Variants in MAN2B2 observed in about 807,000 individuals in gnomAD.
The protein encoded by MAN2B2 is mannosidase alpha class 2B member 2.
In MAN2B2, 106 loss-of-function variants were observed where a neutral mutation model predicts 117.1. The ratio of observed to expected loss-of-function variants is 0.90; its 90% confidence interval spans 0.77 to 1.06. MAN2B2 has a LOEUF of 1.06. MAN2B2 is among the 50% of genes least tolerant of loss of function. The pLI is 0.00. For missense variants in MAN2B2, 1,326 were observed against 1,381.4 expected (o/e 0.96, Z 0.64); for synonymous variants, 544 against 595.1 (o/e 0.91, Z 1.25).
chr4:6,622,337 G>A lies in MAN2B2; in HGVS notation c.*1052G>A, dbSNP rs147772485. On this transcript the variant is annotated 3_prime_UTR_variant, in exon 19 of 19. Coordinates refer to ENST00000285599, the MANE Select transcript of MAN2B2 (RefSeq NM_015274.3). ...TTTCTTTGGAAGATGATGAAATTGT[G>A]GAATGATGGTTGCACAACTTTGTGA... 14 of 152,274 alleles carry A rather than the reference G, an allele frequency of 9.2e-5. No individual in the cohort carries two copies. Among genetic ancestry groups the A allele is most frequent in the African/African-American group, 3.1e-4 (13 of 41,560 alleles). The allele number at this position is 152,274 out of a possible 1,614,324, so 9.4% of individuals were successfully genotyped here. A position where few individuals can be genotyped will look rare whatever the true frequency, so the allele number is the denominator to read the frequency against.
At chr4:6,590,077 A>T (rs1169801192) in intron 5 of MAN2B2, among the ~76,000 whole-genome samples, 3 of 144,656 alleles carry the variant, frequency 2.1e-5, no homozygotes, top group Admixed American at 1.4e-4. Context: ...TATTTAAAAT[A>T]AAAAAAAAAA....
rs1577282542 is a variant in MAN2B2, at chr4:6,595,883, G to A, written c.1057+1151G>A. On this transcript the variant is annotated intron_variant, in intron 7 of 18. Transcript: ENST00000285599. ...AGCCTCTGGGTCTGCATGGTGACCA[G>A]TGGGGCTGCATAGTCCCCGGCTCCT... 2.0e-5 allele frequency among the ~76,000 whole-genome samples: 3 copies of A among 152,254 alleles called. No individual in the cohort carries two copies. The South Asian group carries it at 6.2e-4, about 31-fold the overall frequency.
chr4:6,620,581 G>C (rs4472212), intron 18 of MAN2B2: 158,411 of 165,090 alleles, frequency 0.96, 76,332 homozygotes, highest in Non-Finnish European at 1. Context: ...CTGGCCCCAG[G>C]GGTTTCTTCT....
intron 13 of MAN2B2, 50 bp from the exon 14 acceptor site, chr4:6,610,830 T>G: frequency 6.5e-7 from 1 of 1,539,110 alleles, no homozygotes; most frequent in Non-Finnish European, 9.0e-7. Flanking sequence ...ATGCCTGACC[T>G]ACCTTGCCCT....
In MAN2B2 at chr4:6,579,416, TCACCAC is replaced by T. The variant is rs1331166913; in HGVS notation, c.391+924_391+929del. On this transcript the variant is annotated intron_variant, in intron 3 of 18. Transcript: ENST00000285599. ...ACCATCACCACCACCACCATCACCA[TCACCAC>T]CACCATCACCACCACCCTTCACCAT... Among the ~76,000 whole-genome samples the T allele has an allele frequency of 2.5e-4, 16 of 63,184 alleles. No individual in the cohort carries two copies. The East Asian group carries it at 6.3e-3, about 25-fold the overall frequency. 41.5% of individuals were successfully genotyped at this position (63,184 alleles called of 152,430 possible).
intron 12 of MAN2B2, chr4:6,609,514 GA>G (rs1727683333): frequency 3.2e-6 from 2 of 619,842 alleles, no homozygotes; most frequent in Non-Finnish European, 5.6e-6. Flanking sequence ...TCAGAGCTGG[GA>G]GAGAGACCCA....
intron 7 of MAN2B2, among the ~76,000 whole-genome samples, chr4:6,595,642 G>A (rs1164167066): frequency 6.6e-6 from 1 of 152,250 alleles, no homozygotes; most frequent in Non-Finnish European, 1.5e-5. Flanking sequence ...CACGAGGGCA[G>A]AGCCTTCATG....
chr4:6,611,132 G>A lies in MAN2B2; in HGVS notation c.2417G>A (p.Gly806Asp). 1 of 1,613,930 alleles carries A rather than the reference G, an allele frequency of 6.2e-7. No homozygotes were observed. Among genetic ancestry groups the A allele is most frequent in the Non-Finnish European group, 8.5e-7 (1 of 1,180,010 alleles). Residue 806 changes from glycine (G) to aspartate (D), a missense_variant, in exon 15 of 19, where the codon GGC becomes GAC. Coordinates refer to ENST00000285599, the MANE Select transcript of MAN2B2 (RefSeq NM_015274.3). ...RLWNNFDWDL[G>D]YNLTLNDTSV... Reference sequence around the variant, plus strand: ...TGGAACAACTTCGACTGGGACCTGGGCTACAACCTCACGCTGAACGACACC... The same window carrying A: ...TGGAACAACTTCGACTGGGACCTGGACTACAACCTCACGCTGAACGACACC...
At position 6,609,813 on chromosome 4, in the gene MAN2B2, G is replaced by T. The variant is rs200238123; in HGVS notation, c.2022G>T (p.Gln674His). ...RQYFYRNMTA[Q>H]NYTYAIRSRL... ...TCTCCTCCAGGAACATGACAGCACA[G>T]AATTACACGTATGCAATCCGCTCCC... Residue 674 changes from glutamine to histidine, a missense_variant, in exon 13 of 19, where the codon CAG (glutamine) becomes CAT (histidine). Physicochemically the swap from Gln to His is conservative, Grantham distance 24. Transcript: ENST00000285599. 1.5e-4 allele frequency: 239 copies of T among 1,613,312 alleles called. No individual in the cohort carries two copies. The highest frequency in any genetic ancestry group is 1.9e-4 in the Non-Finnish European group (222 of 1,179,708).
rs373997968 is a variant in MAN2B2 at position 6,576,643 on chromosome 4, G to A, written c.204G>A (p.Gln68=). The A allele has an allele frequency of 1.4e-5, 23 of 1,611,662 alleles. No individual in the cohort carries two copies. Among genetic ancestry groups the A allele is most frequent in the Non-Finnish European group, 2.0e-5 (23 of 1,178,904 alleles). ...TSVVEELARG[Q]QRRFIAVEQE... ...TGGTGGAAGAGCTGGCCCGCGGCCAGCAGCGCCGGTTCATCGCTGTGGAGC... is the reference window on the plus strand; with the variant it reads ...TGGTGGAAGAGCTGGCCCGCGGCCAACAGCGCCGGTTCATCGCTGTGGAGC... Residue 68 remains glutamine (Q), a synonymous_variant, in exon 2 of 19, where the codon CAG becomes CAA. Transcript: ENST00000285599.
chr4:6,585,358 C>T (rs928385709), intron 3 of MAN2B2, among the ~76,000 whole-genome samples: 2 of 152,186 alleles, frequency 1.3e-5, no homozygotes, highest in Non-Finnish European at 1.5e-5. Context: ...AGGCACTGTT[C>T]ACCAATCTTA....
Position 6,609,117 on chromosome 4 carries a change from C to A in MAN2B2, c.1825C>A (p.Arg609=), listed in dbSNP as rs145871153. The A allele has an allele frequency of 6.2e-7, 1 of 1,613,448 alleles. No homozygotes were observed. Among genetic ancestry groups the A allele is most frequent in the African/African-American group, 1.3e-5 (1 of 74,924 alleles). ...CTCCTGCCTCTGCAGACAGAGTAAC[C>A]GAACGGTGCGCGTGACCCAGGAATT... ...MHSIWERQSN[R]TVRVTQEFLE... The change falls in exon 12 of 19, where the codon CGA becomes AGA. Residue 609 remains arginine, a synonymous_variant. Coordinates refer to ENST00000285599, the MANE Select transcript of MAN2B2 (RefSeq NM_015274.3).
Position 6,611,333 on chromosome 4 carries a change from C to G in MAN2B2, c.2563+55C>G, listed in dbSNP as rs73796298. 6,207 of 1,515,352 alleles carry G rather than the reference C, an allele frequency of 4.1e-3. 139 individuals are homozygous for G. The African/African-American group carries it at 0.057, about 14-fold the overall frequency. 93.9% of individuals were successfully genotyped at this position (1,515,352 alleles called of 1,614,324 possible). On this transcript the variant is annotated intron_variant, in intron 15 of 18. Transcript: ENST00000285599. Reference sequence around the variant, plus strand: ...ATCACTGCCTCAGCACCAGCCAGGCCAGGGCGGGCCTTGGGAGGGGCCTGT... The same window carrying G: ...ATCACTGCCTCAGCACCAGCCAGGCGAGGGCGGGCCTTGGGAGGGGCCTGT...
At chr4:6,602,278 G>A (rs1727364088) in intron 10 of MAN2B2, among the ~76,000 whole-genome samples, 2 of 152,232 alleles carry the variant, frequency 1.3e-5, no homozygotes, top group African/African-American at 4.8e-5. Flanking sequence ...TAGGCTACAT[G>A]GCTTAAATGA....
intron 16 of MAN2B2, among the ~76,000 whole-genome samples, chr4:6,616,755 C>T (rs1224020215): frequency 6.6e-6 from 1 of 152,152 alleles, no homozygotes; most frequent in Non-Finnish European, 1.5e-5. Context: ...CAGCTGGTGT[C>T]ATGGTGGGCA....
chr4:6,617,682 G>T, intron 17 of MAN2B2, 190 bp downstream of exon 17: 1 of 1,125,346 alleles, frequency 8.9e-7, no homozygotes, highest in Non-Finnish European at 1.2e-6. Flanking sequence ...GTTTTTTAGG[G>T]TTTTTTGTGT....
At chr4:6,596,569 A>T (rs530401608) in intron 7 of MAN2B2, among the ~76,000 whole-genome samples, 41 of 152,160 alleles carry the variant, frequency 2.7e-4, no homozygotes, top group African/African-American at 8.7e-4. Flanking sequence ...TTGCATCAGG[A>T]CACTGGCTCC....
chr4:6,593,513 C>T (rs1352750478), intron 6 of MAN2B2, among the ~76,000 whole-genome samples, 163 bp downstream of exon 6: 4 of 152,208 alleles, frequency 2.6e-5, no homozygotes, highest in African/African-American at 7.2e-5. Context: ...GCCTCTCCCA[C>T]TCTACCAGCC....
At chr4:6,617,280 T>G in intron 16 of MAN2B2, 100 bp from the exon 17 acceptor site, 1 of 850,562 alleles carries the variant, frequency 1.2e-6, no homozygotes, top group Non-Finnish European at 1.9e-6. Context: ...AGGTTACAGA[T>G]AGGAAATGGA....
Sources: gnomAD v4.1 joint callset for allele counts (sites outside exome capture counted in the v4.1 genomes callset) on GRCh38, gnomAD v4.1.1 for gene constraint, MANE v1.5 for transcripts, NCBI Gene and HGNC (gene_info 2026-07-23, HGNC 2026-07-21) for gene names.